The following WRAP73 variants were observed in gnomAD, a reference collection of about 807,000 sequenced individuals.
The protein encoded by WRAP73 is WD repeat-containing protein WRAP73.
A neutral mutation model predicts 59.6 loss-of-function variants in WRAP73; 55 were observed. That is an observed-to-expected ratio of 0.92 (90% CI 0.74 to 1.15). The LOEUF is 1.15. Ranked by LOEUF, WRAP73 falls within the 50% of genes most tolerant of loss-of-function variation. The probability of loss-of-function intolerance (pLI) is 0.00; values close to 1 mark genes in which losing one functional copy is unlikely to be tolerated. For missense variants in WRAP73, 592 were observed against 608.1 expected (o/e 0.97, Z 0.28); for synonymous variants, 265 against 258.2 (o/e 1.03, Z -0.25).
chr1:3,648,407 C>G (rs1278937424), intron 1 of WRAP73, among the ~76,000 whole-genome samples: 1 of 152,154 alleles, frequency 6.6e-6, no homozygotes, highest in South Asian at 2.1e-4. Context: ...AAGAAAGCCA[C>G]GTTAGTTTTC....
intron 1 of WRAP73, 124 bp downstream of exon 1, chr1:3,649,807 G>T: frequency 9.4e-7 from 1 of 1,058,862 alleles, no homozygotes; most frequent in Non-Finnish European, 1.3e-6. Context: ...CCCCGCACCT[G>T]TCCGGGCACC....
intron 5 of WRAP73, chr1:3,636,343 C>A: frequency 2.6e-6 from 1 of 388,170 alleles, no homozygotes; most frequent in South Asian, 2.3e-5. Context: ...GGTCTCCCCG[C>A]GCCTGCACTC....
chr1:3,646,610 C>T lies in WRAP73; in HGVS notation c.339+56G>A, dbSNP rs889110527. 1.9e-5 allele frequency: 28 copies of T among 1,464,728 alleles called. No individual in the cohort carries two copies. Among genetic ancestry groups the T allele is most frequent in the Middle Eastern group, 2.2e-4 (1 of 4,650 alleles). The allele number at this position is 1,464,728 out of a possible 1,614,324, so 90.7% of individuals were successfully genotyped here. On this transcript the variant is annotated intron_variant, in intron 3 of 11. Transcript: ENST00000270708. The surrounding 1 kb of genome is among the most constrained non-coding windows in gnomAD (Gnocchi z 5.1). ...CCCCTCTCGCACTCCCCAGCTGTTT[C>T]GAGAGCAGAGGACAGGATCACATGG...
intron 3 of WRAP73, among the ~76,000 whole-genome samples, chr1:3,641,019 A>G (rs989625151): frequency 6.6e-6 from 1 of 152,250 alleles, no homozygotes; most frequent in African/African-American, 2.4e-5. Flanking sequence ...CCTTTAAAAG[A>G]TAACTTTGCA....
At chr1:3,637,537 G>A (rs1644600097) in intron 4 of WRAP73, among the ~76,000 whole-genome samples, 1 of 152,212 alleles carries the variant, frequency 6.6e-6, no homozygotes, top group Admixed American at 6.5e-5. Context: ...TTTGGAAGAA[G>A]TAAACTGAAG....
intron 9 of WRAP73, chr1:3,633,157 G>A: frequency 2.1e-6 from 1 of 477,334 alleles, no homozygotes; most frequent in East Asian, 4.1e-5. Context: ...CGGAGCTCCC[G>A]CTGTCAGATC....
At chr1:3,636,743 C>A in intron 5 of WRAP73, 1 of 533,884 alleles carries the variant, frequency 1.9e-6, no homozygotes, top group Non-Finnish European at 3.5e-6. Flanking sequence ...TCACACAGGA[C>A]AAGGAAAAGG....
intron 3 of WRAP73, among the ~76,000 whole-genome samples, chr1:3,641,200 C>T (rs1644640920): frequency 6.6e-6 from 1 of 152,132 alleles, no homozygotes; most frequent in Non-Finnish European, 1.5e-5. Context: ...CCAGAGCACT[C>T]AGGAGGGAAG....
At position 3,646,885 on chromosome 1, in the gene WRAP73, T is replaced by C. The variant is rs969389256; in HGVS notation, c.223-103A>G. ...GCAGCGGAGACCCGACCGCACAGGG[T>C]GTCTTCAAACTCATCAGCAGTCTAT... On this transcript the variant is annotated intron_variant, in intron 2 of 11. Coordinates refer to ENST00000270708, the MANE Select transcript of WRAP73 (RefSeq NM_017818.4). The surrounding 1 kb of genome is among the most constrained non-coding windows in gnomAD (Gnocchi z 5.1). 10 of 962,664 alleles carry C rather than the reference T, an allele frequency of 1.0e-5. No homozygotes were observed. Among genetic ancestry groups the C allele is most frequent in the Non-Finnish European group, 1.6e-5 (10 of 621,194 alleles). 59.6% of individuals were successfully genotyped at this position (962,664 alleles called of 1,614,324 possible). A position where few individuals can be genotyped will look rare whatever the true frequency, so the allele number is the denominator to read the frequency against.
chr1:3,638,923 A>G, intron 3 of WRAP73, 101 bp from the exon 4 acceptor site: 1 of 1,316,480 alleles, frequency 7.6e-7, no homozygotes, highest in Non-Finnish European at 1.1e-6. Context: ...CACAGGCCTG[A>G]CTGCTGGAGT....
At chr1:3,638,654 G>A in intron 4 of WRAP73, 96 bp downstream of exon 4, 6 of 1,378,028 alleles carry the variant, frequency 4.4e-6, no homozygotes, top group Middle Eastern at 1.8e-4. Context: ...GTGTTGATAT[G>A]CTGCTGAAGC....
chr1:3,633,525 C>T lies in WRAP73; in HGVS notation c.817-22G>A, dbSNP rs556471099. On this transcript the variant is annotated intron_variant, in intron 8 of 11. Transcript: ENST00000270708. Reference sequence around the variant, plus strand: ...CCACCTGAAAGACACAAGGTGGCCACGCCCGGCTCAGGACAGGGACCCGGA... The same window carrying T: ...CCACCTGAAAGACACAAGGTGGCCATGCCCGGCTCAGGACAGGGACCCGGA... The T allele has an allele frequency of 3.8e-6, 6 of 1,559,978 alleles. No individual in the cohort carries two copies. In the Admixed American group the frequency reaches 6.2e-5, roughly 16 times the overall value.
rs769572536 is a variant in WRAP73 at position 3,632,274 on chromosome 1, C to T, written c.987G>A (p.Pro329=). The change falls in exon 10 of 12, where the codon CCG becomes CCA. Residue 329 remains proline, a synonymous_variant. Transcript: ENST00000270708. ...TLKPVTDRAN[P]KIGIGMLAFS... ...ATGCCAGCATTCCTATGCCGATTTT[C>T]GGGTTTGCTCTGTCGGTAACAGGTT... is the stretch of plus-strand genomic sequence containing the variant. 1.2e-5 allele frequency: 20 copies of T among 1,614,144 alleles called. No homozygotes were observed. The highest frequency in any genetic ancestry group is 2.7e-5 in the African/African-American group (2 of 75,064).
chr1:3,635,279 A>G lies in WRAP73; in HGVS notation c.619T>C (p.Tyr207His). The change falls in exon 7 of 12, where the codon TAC becomes CAC. Residue 207 changes from tyrosine (Y) to histidine (H), a missense_variant. Physicochemically the swap from Tyr to His is moderately conservative, Grantham distance 83. Coordinates refer to ENST00000270708, the MANE Select transcript of WRAP73 (RefSeq NM_017818.4). ...GACAACAACCGGCCATCCAATGAGT[A>G]CAGCAGAATCTTGTACTGCAGATGA... ...DTCLEYKILLYSLDGRLLSTY... is the reference protein window; with the variant it reads ...DTCLEYKILLHSLDGRLLSTY... 6.2e-7 allele frequency: 1 copy of G among 1,613,936 alleles called. No homozygotes were observed. The highest frequency in any genetic ancestry group is 1.7e-5 in the Admixed American group (1 of 60,026).
rs775408202 is a variant in WRAP73 at position 3,632,275 on chromosome 1, G to C, written c.986C>G (p.Pro329Arg). 1.2e-5 allele frequency: 19 copies of C among 1,614,022 alleles called. No homozygotes were observed. Among genetic ancestry groups the C allele is most frequent in the Non-Finnish European group, 1.6e-5 (19 of 1,180,022 alleles). The change falls in exon 10 of 12, where the codon CCG becomes CGG. Residue 329 changes from proline to arginine, a missense_variant. Coordinates refer to ENST00000270708, the MANE Select transcript of WRAP73 (RefSeq NM_017818.4). Reference protein sequence around the residue: ...TLKPVTDRANPKIGIGMLAFS... With the variant: ...TLKPVTDRANRKIGIGMLAFS... Reference sequence around the variant, plus strand: ...TGCCAGCATTCCTATGCCGATTTTCGGGTTTGCTCTGTCGGTAACAGGTTT... The same window carrying C: ...TGCCAGCATTCCTATGCCGATTTTCCGGTTTGCTCTGTCGGTAACAGGTTT...
At chr1:3,641,118 C>T (rs1307396314) in intron 3 of WRAP73, among the ~76,000 whole-genome samples, 2 of 152,226 alleles carry the variant, frequency 1.3e-5, no homozygotes, top group African/African-American at 4.8e-5. Context: ...GAGAAGCCAG[C>T]GGAGGAGACC....
At chr1:3,631,681 C>G in intron 10 of WRAP73, 24 bp from the exon 11 acceptor site, 1 of 1,570,636 alleles carries the variant, frequency 6.4e-7, no homozygotes, top group Non-Finnish European at 8.6e-7. Flanking sequence ...GACAGGGCAC[C>G]GGTGTCATCC....
Position 3,639,552 on chromosome 1 carries a change from G to A in WRAP73, c.340-730C>T, listed in dbSNP as rs1476362380. 3 of 152,268 alleles carry A rather than the reference G, an allele frequency of 2.0e-5. No individual in the cohort carries two copies. The highest frequency in any genetic ancestry group is 7.2e-5 in the African/African-American group (3 of 41,460). 9.4% of individuals were successfully genotyped at this position (152,268 alleles called of 1,614,324 possible). On this transcript the variant is annotated intron_variant, in intron 3 of 11. Transcript: ENST00000270708. This position sits in a 1 kb window ranked among gnomAD's most constrained non-coding sequence, Gnocchi z 4.3. Reference sequence around the variant, plus strand: ...GTGGCAGCGCCGCGGGACTTCCAGGGCTGCTGTGTCCCTCCACCTGCATTT... The same window carrying A: ...GTGGCAGCGCCGCGGGACTTCCAGGACTGCTGTGTCCCTCCACCTGCATTT...
chr1:3,647,199 C>T (rs536750217), intron 2 of WRAP73: 2 of 568,306 alleles, frequency 3.5e-6, no homozygotes, highest in African/African-American at 1.9e-5. Flanking sequence ...ACCTCCGTTT[C>T]TCAACTATAT....
Sources: gnomAD v4.1 joint callset for allele counts (sites outside exome capture counted in the v4.1 genomes callset) on GRCh38, gnomAD v4.1.1 for gene constraint, Gnocchi (gnomAD v3.1) non-coding constraint, MANE v1.5 for transcripts, NCBI Gene and HGNC (gene_info 2026-07-23, HGNC 2026-07-21) for gene names.